KATNB1: variants seen among roughly 807,000 people sequenced by gnomAD.
The protein encoded by KATNB1 is katanin p80 WD40 repeat-containing subunit B1.
In KATNB1, 38 loss-of-function variants were observed where a neutral mutation model predicts 82.3. The ratio of observed to expected loss-of-function variants is 0.46; its 90% CI spans 0.36 to 0.61. The LOEUF (loss-of-function observed/expected upper bound fraction) is 0.61. KATNB1 is among the 20% of genes least tolerant of loss of function. The probability of loss-of-function intolerance (pLI) is 0.00; values close to 1 mark genes in which losing one functional copy is unlikely to be tolerated. For synonymous variants in KATNB1, 361 were observed against 368.7 expected, an observed-to-expected ratio of 0.98 and a Z score of 0.24; for missense variants, 749 against 915.7, an observed-to-expected ratio of 0.82 and a Z score of 2.35.
In KATNB1 at chr16:57,755,117, A is replaced by G; in HGVS notation, c.1297-2A>G. 6.2e-7 allele frequency: 1 copy of G among 1,612,924 alleles called. No individual in the cohort carries two copies. Among genetic ancestry groups the G allele is most frequent in the Non-Finnish European group, 8.5e-7 (1 of 1,179,858 alleles). ...GGCAACCGCTGAGTTTCACACTTTCAGCTGGAGGTCCTGCCCCGGCCCCCA... is the reference window on the plus strand; with the variant it reads ...GGCAACCGCTGAGTTTCACACTTTCGGCTGGAGGTCCTGCCCCGGCCCCCA... On this transcript the variant is annotated splice_acceptor_variant, in intron 14 of 19. Transcript: ENST00000379661. LOFTEE classifies it high-confidence loss of function.
chr16:57,746,232 G>A (rs2049183055), intron 4 of KATNB1, among the ~76,000 whole-genome samples: 1 of 152,184 alleles, frequency 6.6e-6, no homozygotes, highest in South Asian at 2.1e-4. Flanking sequence ...TCAGAATTTG[G>A]AAGGTGCAGC....
In KATNB1 at chr16:57,754,949, G is replaced by C; in HGVS notation, c.1248G>C (p.Glu416Asp). The change falls in exon 14 of 20, where the codon GAG becomes GAC. Residue 416 changes from glutamate (E) to aspartate (D), a missense_variant. This residue lies in a region of KATNB1 where 407 missense variants were observed against 434.7 expected (regional missense o/e 0.94). Coordinates refer to ENST00000379661, the MANE Select transcript of KATNB1 (RefSeq NM_005886.3). ...CTCCAGACGCAGCCACAGCAAAGGAGGCAGCAAAGCCCAGCCCTGCCATGG... is the reference window on the plus strand; with the variant it reads ...CTCCAGACGCAGCCACAGCAAAGGACGCAGCAAAGCCCAGCCCTGCCATGG... ...PPEDDAATAK[E>D]AAKPSPAMDV... The C allele has an allele frequency of 6.2e-7, 1 of 1,614,094 alleles. No individual in the cohort carries two copies. Among genetic ancestry groups the C allele is most frequent in the Non-Finnish European group, 8.5e-7 (1 of 1,180,038 alleles).
intron 12 of KATNB1, 88 bp downstream of exon 12, chr16:57,753,607 G>A (rs1597830345): frequency 1.2e-5 from 18 of 1,526,626 alleles, no homozygotes; most frequent in African/African-American, 5.5e-5. Context: ...CTGTGGCTCC[G>A]CATCCCTTTA....
intron 4 of KATNB1, among the ~76,000 whole-genome samples, chr16:57,750,266 G>T (rs952410241): frequency 4.6e-5 from 7 of 152,194 alleles, no homozygotes; most frequent in Non-Finnish European, 7.3e-5. Context: ...CAGTCTGTGG[G>T]GAGAGTGTGG....
chr16:57,753,288 C>CG (rs1567902276), intron 11 of KATNB1, 21 bp downstream of exon 11: 2 of 1,583,912 alleles, frequency 1.3e-6, no homozygotes, highest in South Asian at 1.1e-5. Context: ...GGGGGGCCTT[C>CG]GGGGGCCCAG....
At chr16:57,753,776 G>A (rs2049250962) in intron 12 of KATNB1, among the ~76,000 whole-genome samples, 169 bp from the exon 13 acceptor site, 1 of 152,000 alleles carries the variant, frequency 6.6e-6, no homozygotes, top group Non-Finnish European at 1.5e-5. Flanking sequence ...CCAGGGACAA[G>A]TGGGCTGGGA....
Position 57,756,237 on chromosome 16 carries a change from G to A in KATNB1, c.1719-119G>A, listed in dbSNP as rs577514543. The A allele has an allele frequency of 3.0e-5, 33 of 1,104,380 alleles. No individual in the cohort carries two copies. In the African/African-American group the frequency reaches 4.7e-4, roughly 16 times the overall value. The allele number at this position is 1,104,380 out of a possible 1,614,324, so 68.4% of individuals were successfully genotyped here. ...GTGGGAGTGGAAACAGGCGTGTGTGGGTGTATGTGTGGGTGTGTCTGTGTC... is the reference window on the plus strand; with the variant it reads ...GTGGGAGTGGAAACAGGCGTGTGTGAGTGTATGTGTGGGTGTGTCTGTGTC... On this transcript the variant is annotated intron_variant, in intron 18 of 19. Transcript: ENST00000379661.
intron 4 of KATNB1, among the ~76,000 whole-genome samples, chr16:57,745,959 G>A (rs1331707570): frequency 6.6e-6 from 1 of 152,142 alleles, no homozygotes; most frequent in African/African-American, 2.4e-5. Context: ...CAGCCCAGCT[G>A]TCATCCTGGG....
intron 2 of KATNB1, among the ~76,000 whole-genome samples, chr16:57,740,167 TA>T (rs1318647137): frequency 6.6e-6 from 1 of 152,068 alleles, no homozygotes; most frequent in Non-Finnish European, 1.5e-5. Flanking sequence ...GAGACGGGAC[TA>T]AAGTGGGGCC....
chr16:57,736,954 C>T (rs1475403877), intron 1 of KATNB1, 24 bp from the exon 2 acceptor site: 6 of 663,504 alleles, frequency 9.0e-6, no homozygotes, highest in South Asian at 1.5e-5. Context: ...TCTAACATGA[C>T]GTCACCTCTT....
chr16:57,738,205 T>A (rs2049116029), intron 2 of KATNB1, among the ~76,000 whole-genome samples: 1 of 152,056 alleles, frequency 6.6e-6, no homozygotes, highest in African/African-American at 2.4e-5. Flanking sequence ...ACCTGGTCAC[T>A]GTCTGCTGCC....
chr16:57,756,923 C>G lies in KATNB1; in HGVS notation c.1945C>G (p.Leu649Val), dbSNP rs1555587128. The change falls in exon 20 of 20, where the codon CTG becomes GTG. Residue 649 changes from leucine to valine, a missense_variant. This residue lies in a region of KATNB1 where 95 missense variants were observed against 131.6 expected (regional missense o/e 0.72). Transcript: ENST00000379661. ...TGGCAGTACCTTCCGCGAGCTGCAC[C>G]TGCTCATGGCCAGTCTGGACTGAGG... ...RHGSTFRELHLLMASLD is the reference protein window; with the variant it reads ...RHGSTFRELHVLMASLD 7 of 1,548,482 alleles carry G rather than the reference C, an allele frequency of 4.5e-6. No homozygotes were observed. Among genetic ancestry groups the G allele is most frequent in the Non-Finnish European group, 6.1e-6 (7 of 1,145,350 alleles).
At chr16:57,747,461 C>T (rs1249593040) in intron 4 of KATNB1, among the ~76,000 whole-genome samples, 2 of 152,188 alleles carry the variant, frequency 1.3e-5, no homozygotes, top group Non-Finnish European at 2.9e-5. Flanking sequence ...AGGTGGTACT[C>T]AATAAAGATG....
chr16:57,752,909 C>A lies in KATNB1; in HGVS notation c.836C>A (p.Ala279Asp). 1 of 1,604,718 alleles carries A rather than the reference C, an allele frequency of 6.2e-7. No homozygotes were observed. ...LVNWGKVADL[A>D]ICNDQLIGVA... ...AACTGGGGCAAGGTGGCCGACCTGG[C>A]CATCTGCAATGACCAGTTGGTGAGA... Residue 279 changes from alanine (A) to aspartate (D), a missense_variant, in exon 10 of 20, where the codon GCC (alanine) becomes GAC (aspartate). By Grantham distance (126) the Ala-to-Asp change is moderately radical. Coordinates refer to ENST00000379661, the MANE Select transcript of KATNB1 (RefSeq NM_005886.3).
chr16:57,751,444 G>A lies in KATNB1; in HGVS notation c.432+142G>A, dbSNP rs1555583060. On this transcript the variant is annotated intron_variant, in intron 6 of 19. Coordinates refer to ENST00000379661, the MANE Select transcript of KATNB1 (RefSeq NM_005886.3). The surrounding 1 kb of genome is among the most constrained non-coding windows in gnomAD (Gnocchi z 6.3). ...AAAACATAGACCTGGAGCTGAGCAG[G>A]AGCGCCATGGGCGGCCCACCTGGAT... The A allele has an allele frequency of 2.0e-6, 2 of 1,022,406 alleles. No homozygotes were observed. Among genetic ancestry groups the A allele is most frequent in the African/African-American group, 1.6e-5 (1 of 63,316 alleles). 63.3% of individuals were successfully genotyped at this position (1,022,406 alleles called of 1,614,324 possible). A position where few individuals can be genotyped will look rare whatever the true frequency, so the allele number is the denominator to read the frequency against.
At chr16:57,741,875 A>G (rs545217621) in intron 3 of KATNB1, 58 bp downstream of exon 3, 1 of 1,547,762 alleles carries the variant, frequency 6.5e-7, no homozygotes, top group African/African-American at 1.4e-5. Flanking sequence ...GGACGGGGAC[A>G]GGGGTTGGAG....
At chr16:57,737,319 A>T in intron 2 of KATNB1, 36 bp downstream of exon 2, 1 of 1,613,080 alleles carries the variant, frequency 6.2e-7, no homozygotes, top group South Asian at 1.1e-5. Context: ...CACCCCATTT[A>T]TTCTGTTAGC....
Position 57,755,720 on chromosome 16 carries a change from A to C in KATNB1, c.1567-121A>C, listed in dbSNP as rs1025361354. On this transcript the variant is annotated intron_variant, in intron 16 of 19. Coordinates refer to ENST00000379661, the MANE Select transcript of KATNB1 (RefSeq NM_005886.3). ...GCCTTACACTCATTGCGTTAGGTGC[A>C]GTGCTGAATACCCACAGCCCCATCA... The C allele has an allele frequency of 2.3e-5, 23 of 1,010,450 alleles. No individual in the cohort carries two copies. The African/African-American group carries it at 2.9e-4, about 13-fold the overall frequency. The allele number at this position is 1,010,450 out of a possible 1,614,324, so 62.6% of individuals were successfully genotyped here.
intron 13 of KATNB1, among the ~76,000 whole-genome samples, 169 bp downstream of exon 13, chr16:57,754,164 C>T (rs2049256104): frequency 6.6e-6 from 1 of 152,122 alleles, no homozygotes; most frequent in Admixed American, 6.5e-5. Context: ...TGTGCCAGGT[C>T]CCTGCAAGAC....
Sources: allele counts gnomAD v4.1 joint callset (sites outside exome capture counted in the v4.1 genomes callset), GRCh38; gene constraint gnomAD v4.1.1; regional missense constraint gnomAD v4.1.1; non-coding constraint Gnocchi (gnomAD v3.1); transcripts MANE v1.5; gene names NCBI Gene and HGNC (gene_info 2026-07-23, HGNC 2026-07-21).